ACTN2: variants seen among roughly 807,000 people sequenced by gnomAD.
ACTN2 encodes the protein alpha-actinin-2.
ACTN2 carries 39 observed loss-of-function variants against 113.8 expected under a neutral mutation model. The observed-to-expected ratio is 0.34, with a 90% CI of 0.27 to 0.45. The LOEUF (loss-of-function observed/expected upper bound fraction) is 0.45. Ranked by LOEUF, ACTN2 falls within the 20% of genes least tolerant of loss-of-function variation. ACTN2 has a pLI of 1.00. For missense variants in ACTN2, 992 were observed against 1,177.9 expected, an observed-to-expected ratio of 0.84 and a Z score of 2.31; for synonymous variants, 429 against 444.1, an observed-to-expected ratio of 0.97 and a Z score of 0.43.
At chr1:236,720,065 A>G (rs767165323) in intron 3 of ACTN2, 40 bp from the exon 4 acceptor site, 6 of 1,382,858 alleles carry the variant, frequency 4.3e-6, no homozygotes, top group African/African-American at 2.8e-5. Flanking sequence ...CGTACAGACT[A>G]TGTTATCTTT....
At chr1:236,717,787 A>T (rs1218041876) in intron 1 of ACTN2, 71 bp from the exon 2 acceptor site, 3 of 1,037,790 alleles carry the variant, frequency 2.9e-6, no homozygotes, top group Non-Finnish European at 4.5e-6. Flanking sequence ...TAAGGTGTCA[A>T]GTGTCGTCTG....
Position 236,745,359 on chromosome 1 carries a change from A to G in ACTN2, c.1406+583A>G, listed in dbSNP as rs568708910. Among the ~76,000 whole-genome samples the G allele has an allele frequency of 5.6e-4, 85 of 152,230 alleles. No individual in the cohort carries two copies. The East Asian group carries it at 9.9e-3, about 18-fold the overall frequency. ...TGAGGCAGGAGAATGGTGTGAACCC[A>G]GGAGGCGGAGCTTGCAGTGAGCCGA... On this transcript the variant is annotated intron_variant, in intron 12 of 20. Coordinates refer to ENST00000366578, the MANE Select transcript of ACTN2 (RefSeq NM_001103.4).
chr1:236,739,346 G>C lies in ACTN2; in HGVS notation c.921G>C (p.Arg307=). The change falls in exon 10 of 21, where the codon CGG becomes CGC. Residue 307 remains arginine (R), a synonymous_variant. Transcript: ENST00000366578. ...IRRTIPWLEN[R]TPEKTMQAMQ... ...GCACGATCCCCTGGCTGGAGAACCG[G>C]ACTCCCGAGAAGACCATGCAAGCCA... 1 of 1,614,104 alleles carries C rather than the reference G, an allele frequency of 6.2e-7. No individual in the cohort carries two copies. Among genetic ancestry groups the C allele is most frequent in the Non-Finnish European group, 8.5e-7 (1 of 1,180,030 alleles).
intron 9 of ACTN2, among the ~76,000 whole-genome samples, chr1:236,738,154 C>T (rs530251515): frequency 2.6e-5 from 4 of 152,312 alleles, no homozygotes; most frequent in South Asian, 2.1e-4. Flanking sequence ...GGATTACAGG[C>T]GTGCACCACC....
Position 236,757,500 on chromosome 1 carries a change from AT to A in ACTN2, c.2170del (p.Trp724GlyfsTer5). 6.2e-7 allele frequency: 1 copy of A among 1,614,080 alleles called. No homozygotes were observed. Among genetic ancestry groups the A allele is most frequent in the Non-Finnish European group, 8.5e-7 (1 of 1,180,026 alleles). ...TCCCTCAATAGCACATTCGTGTTGG[AT>A]GGGAGCTGCTGCTGACAACCATCGC... ...NYTMEHIRVG[W>X]ELLLTTIART... On this transcript the variant is annotated frameshift_variant, in exon 18 of 21. Transcript: ENST00000366578. LOFTEE classifies it high-confidence loss of function.
intron 1 of ACTN2, among the ~76,000 whole-genome samples, chr1:236,687,343 A>G (rs1019240131): frequency 1.3e-5 from 2 of 152,162 alleles, no homozygotes; most frequent in Non-Finnish European, 2.9e-5. Flanking sequence ...CACTCTATTT[A>G]TAATTCATTG....
chr1:236,696,343 G>A (rs1035603456), intron 1 of ACTN2, among the ~76,000 whole-genome samples: 1 of 151,728 alleles, frequency 6.6e-6, no homozygotes, highest in South Asian at 2.1e-4. Flanking sequence ...AGATTGTTTT[G>A]GGGGAATGGG....
Position 236,762,953 on chromosome 1 carries a change from G to A in ACTN2, c.*334G>A. 3.0e-6 allele frequency: 1 copy of A among 332,688 alleles called. No individual in the cohort carries two copies. Among genetic ancestry groups the A allele is most frequent in the Admixed American group, 4.4e-5 (1 of 22,616 alleles). The allele number at this position is 332,688 out of a possible 1,614,324, so 20.6% of individuals were successfully genotyped here. A position where few individuals can be genotyped will look rare whatever the true frequency, so the allele number is the denominator to read the frequency against. On this transcript the variant is annotated 3_prime_UTR_variant, in exon 21 of 21. Coordinates refer to ENST00000366578, the MANE Select transcript of ACTN2 (RefSeq NM_001103.4). ...GGGACAGAAGGAAAGTGAAAAATGT[G>A]AAAATACAAAATACCCAAGATTTAA...
At chr1:236,762,410 T>C in intron 20 of ACTN2, 51 bp from the exon 21 acceptor site, 1 of 1,607,746 alleles carries the variant, frequency 6.2e-7, no homozygotes, top group Admixed American at 1.7e-5. Flanking sequence ...AGACTGTTTA[T>C]GTTGTGGTGT....
At chr1:236,699,201 C>T (rs1240423898) in intron 1 of ACTN2, among the ~76,000 whole-genome samples, 7 of 152,134 alleles carry the variant, frequency 4.6e-5, no homozygotes, top group African/African-American at 1.4e-4. Context: ...GAGCAGAAGC[C>T]TGGGATTCAG....
rs1376636336 is a variant in ACTN2 at position 236,760,865 on chromosome 1, G to A, written c.2368-150G>A. ...AGTAAACCTTAGTCACCCTTAAGGG[G>A]AATCTTGTCCAAAGACTGAAGGGAA... On this transcript the variant is annotated intron_variant, in intron 19 of 20. Coordinates refer to ENST00000366578, the MANE Select transcript of ACTN2 (RefSeq NM_001103.4). 7.0e-6 allele frequency: 7 copies of A among 1,001,958 alleles called. No homozygotes were observed. In the African/African-American group the frequency reaches 1.1e-4, roughly 16 times the overall value. The allele number at this position is 1,001,958 out of a possible 1,614,324, so 62.1% of individuals were successfully genotyped here. A position where few individuals can be genotyped will look rare whatever the true frequency, so the allele number is the denominator to read the frequency against.
chr1:236,746,052 A>G (rs1008273037), intron 12 of ACTN2, among the ~76,000 whole-genome samples: 5 of 151,422 alleles, frequency 3.3e-5, no homozygotes, highest in South Asian at 2.1e-4. Context: ...TGTAGTCCCA[A>G]CTACTCAGGA....
At chr1:236,731,161 A>G (rs1658701487) in intron 6 of ACTN2, 72 bp from the exon 7 acceptor site, 2 of 1,205,912 alleles carry the variant, frequency 1.7e-6, no homozygotes, top group African/African-American at 1.5e-5. Flanking sequence ...AGTGAGGTAC[A>G]TAAGAAACAT....
intron 6 of ACTN2, among the ~76,000 whole-genome samples, chr1:236,730,191 A>G (rs960478167): frequency 5.9e-5 from 9 of 152,214 alleles, no homozygotes; most frequent in African/African-American, 1.9e-4. Context: ...ACATTTTATC[A>G]TTTAAATTAC....
chr1:236,761,112 C>T lies in ACTN2; in HGVS notation c.2465C>T (p.Thr822Met), dbSNP rs1572152018. Reference sequence around the variant, plus strand: ...TTCATCGACTTCATGACTAGAGAGACGGCTGACACCGACACTGCCGAGCAG... The same window carrying T: ...TTCATCGACTTCATGACTAGAGAGATGGCTGACACCGACACTGCCGAGCAG... ...QSFIDFMTRETADTDTAEQVI... is the reference protein window; with the variant it reads ...QSFIDFMTREMADTDTAEQVI... The change falls in exon 20 of 21, where the codon ACG becomes ATG. Residue 822 changes from threonine (T) to methionine (M), a missense_variant. Physicochemically the swap from Thr to Met is moderately conservative, Grantham distance 81. Around this residue, in one of 3 missense-constraint regions of ACTN2, gnomAD observed 736 missense variants for 815.4 expected, o/e 0.90. Coordinates refer to ENST00000366578, the MANE Select transcript of ACTN2 (RefSeq NM_001103.4). 4.3e-6 allele frequency: 7 copies of T among 1,614,064 alleles called. No individual in the cohort carries two copies. The highest frequency in any genetic ancestry group is 1.3e-5 in the African/African-American group (1 of 74,932).
intron 15 of ACTN2, 55 bp downstream of exon 15, chr1:236,751,707 G>T: frequency 1.2e-6 from 2 of 1,606,748 alleles, no homozygotes; most frequent in South Asian, 1.1e-5. Flanking sequence ...AGCTGACGTC[G>T]AAGGAGGAAG....
intron 10 of ACTN2, among the ~76,000 whole-genome samples, chr1:236,742,395 CCA>C (rs553606219): frequency 3.1e-3 from 471 of 152,142 alleles, no homozygotes; most frequent in Non-Finnish European, 5.4e-3. Context: ...ACAATTCACC[CCA>C]GTCACTGAAT....
At chr1:236,687,902 CCT>C (rs2102852996) in intron 1 of ACTN2, among the ~76,000 whole-genome samples, 1 of 152,264 alleles carries the variant, frequency 6.6e-6, no homozygotes, top group African/African-American at 2.4e-5. Context: ...TCTTGTCTAC[CCT>C]CTCTCCTAAA....
At chr1:236,748,054 AGTAC>A in intron 13 of ACTN2, 1 of 385,256 alleles carries the variant, frequency 2.6e-6, no homozygotes. Context: ...TGGTAGTAAC[AGTAC>A]GTTTCCAAAA....
Sources: allele counts gnomAD v4.1 joint callset (sites outside exome capture counted in the v4.1 genomes callset), GRCh38; gene constraint gnomAD v4.1.1; regional missense constraint gnomAD v4.1.1; transcripts MANE v1.5; gene names NCBI Gene and HGNC (gene_info 2026-07-23, HGNC 2026-07-21).